RAD23B: variants seen among roughly 807,000 people sequenced by gnomAD.
The protein encoded by RAD23B is RAD23 nucleotide excision repair protein B.
Under a neutral mutation model 49.1 loss-of-function variants are expected in RAD23B, and 5 were observed. The observed-to-expected ratio is 0.10, with a 90% CI of 0.05 to 0.21. The LOEUF is 0.21. Among genes scored for constraint, RAD23B ranks in the 10% least tolerant of loss-of-function variants. The pLI, the probability that RAD23B is intolerant of heterozygous loss-of-function variation, is 1.00. For missense variants in RAD23B, 356 were observed against 486.7 expected (o/e 0.73, Z 2.53); for synonymous variants, 184 against 165.4 (o/e 1.11, Z -0.86).
At chr9:107,293,449 G>A (rs1185610403) in intron 1 of RAD23B, among the ~76,000 whole-genome samples, 1 of 152,156 alleles carries the variant, frequency 6.6e-6, no homozygotes, top group Non-Finnish European at 1.5e-5. Context: ...CTGGCATATG[G>A]CAAGTACATA....
In RAD23B at chr9:107,324,969, C is replaced by G. The variant is rs1419081449; in HGVS notation, c.1081C>G (p.Gln361Glu). The change falls in exon 9 of 10, where the codon CAA becomes GAA. Residue 361 changes from glutamine (Q) to glutamate (E), a missense_variant. Transcript: ENST00000358015. ...EAGSGHMNYIQVTPQEKEAIE... is the reference protein window; with the variant it reads ...EAGSGHMNYIEVTPQEKEAIE... ...TGGAAGTGGTCATATGAACTACATT[C>G]AAGTAACACCTCAGGAAAAAGAAGC... 1 of 1,613,520 alleles carries G rather than the reference C, an allele frequency of 6.2e-7. No homozygotes were observed. The highest frequency in any genetic ancestry group is 1.1e-5 in the South Asian group (1 of 91,044).
intron 5 of RAD23B, among the ~76,000 whole-genome samples, chr9:107,317,711 C>T (rs528572606): frequency 6.6e-6 from 1 of 151,466 alleles, no homozygotes; most frequent in South Asian, 2.1e-4. Flanking sequence ...TAATGGTCCC[C>T]AGAACACAAG....
chr9:107,324,144 T>C, intron 8 of RAD23B, 127 bp downstream of exon 8: 3 of 1,079,894 alleles, frequency 2.8e-6, no homozygotes, highest in South Asian at 1.6e-5. Flanking sequence ...TCTTCCAAGC[T>C]ACACTTAGAT....
intron 5 of RAD23B, among the ~76,000 whole-genome samples, chr9:107,314,661 AT>A (rs1053500378): frequency 6.6e-6 from 1 of 152,146 alleles, no homozygotes; most frequent in Non-Finnish European, 1.5e-5. Flanking sequence ...TGATATAATG[AT>A]TTATTTCCCT....
chr9:107,308,794 T>C (rs1826833561), intron 4 of RAD23B, among the ~76,000 whole-genome samples: 1 of 152,214 alleles, frequency 6.6e-6, no homozygotes, highest in Non-Finnish European at 1.5e-5. Flanking sequence ...TAAATGTGTC[T>C]TAGTTCCTTT....
intron 9 of RAD23B, among the ~76,000 whole-genome samples, chr9:107,328,304 A>C (rs1309901561): frequency 1.3e-5 from 2 of 152,182 alleles, no homozygotes; most frequent in Non-Finnish European, 2.9e-5. Context: ...ACCAGGGACC[A>C]GTTACGTAGA....
At chr9:107,301,056 T>C (rs1340058925) in intron 2 of RAD23B, among the ~76,000 whole-genome samples, 1 of 152,214 alleles carries the variant, frequency 6.6e-6, no homozygotes, top group African/African-American at 2.4e-5. Context: ...TGTTAGCAGC[T>C]TTTGATTCAA....
At chr9:107,311,278 C>A (rs1191214041) in intron 4 of RAD23B, among the ~76,000 whole-genome samples, 5 of 152,126 alleles carry the variant, frequency 3.3e-5, no homozygotes, top group Non-Finnish European at 7.4e-5. Flanking sequence ...AATTTGGTTT[C>A]TCCATGTGCT....
chr9:107,310,675 G>T (rs1282426964), intron 4 of RAD23B, among the ~76,000 whole-genome samples: 1 of 152,088 alleles, frequency 6.6e-6, no homozygotes, highest in African/African-American at 2.4e-5. Context: ...TATATTTAAT[G>T]AAGAACTTAA....
intron 3 of RAD23B, 74 bp from the exon 4 acceptor site, chr9:107,306,305 A>G: frequency 6.9e-7 from 1 of 1,439,238 alleles, no homozygotes; most frequent in Non-Finnish European, 9.5e-7. Flanking sequence ...GCATCCTGTA[A>G]CGGTACAGTC....
Position 107,285,011 on chromosome 9 carries a change from A to T in RAD23B, c.66+1316A>T. 4.9e-6 allele frequency: 6 copies of T among 1,227,256 alleles called. No individual in the cohort carries two copies. The East Asian group carries it at 2.8e-4, about 58-fold the overall frequency. 76.0% of individuals were successfully genotyped at this position (1,227,256 alleles called of 1,614,324 possible). ...GTGTTACGTTTTACTTATCTCATTT[A>T]ATCTTAAGTTTTGTACATCTTTAAT... On this transcript the variant is annotated intron_variant, in intron 1 of 9. Transcript: ENST00000358015.
rs1297461398 is a variant in RAD23B at position 107,330,970 on chromosome 9, T to TA, written c.*1317dup. On this transcript the variant is annotated 3_prime_UTR_variant, in exon 10 of 10. Coordinates refer to ENST00000358015, the MANE Select transcript of RAD23B (RefSeq NM_002874.5). The surrounding 1 kb of genome is among the most constrained non-coding windows in gnomAD (Gnocchi z 4.4). The stretch of plus-strand genomic sequence containing the variant: ...CTTCATTGGCATTGTTATTTAATCA[T>TA]AAACGGGGCAGATGTCTACTTGTTC... 2 of 152,696 alleles carry TA rather than the reference T, an allele frequency of 1.3e-5. No individual in the cohort carries two copies. Among genetic ancestry groups the TA allele is most frequent in the East Asian group, 1.9e-4 (1 of 5,204 alleles). 9.5% of individuals were successfully genotyped at this position (152,696 alleles called of 1,614,324 possible).
At chr9:107,326,830 G>A (rs1022955333) in intron 9 of RAD23B, among the ~76,000 whole-genome samples, 1 of 151,530 alleles carries the variant, frequency 6.6e-6, no homozygotes, top group Admixed American at 6.6e-5. Context: ...AGTAGAGACG[G>A]GGTTTCAACA....
intron 6 of RAD23B, among the ~76,000 whole-genome samples, chr9:107,320,724 A>G (rs1827093181): frequency 6.6e-6 from 1 of 152,324 alleles, no homozygotes; most frequent in Middle Eastern, 3.4e-3. Context: ...TTTTAGTTTA[A>G]TAAAAGAGAA....
Position 107,318,602 on chromosome 9 carries a change from A to T in RAD23B, c.554-150A>T. Reference sequence around the variant, plus strand: ...GGGCATCTTTGGGGGACCATTACCTACTACATATATGTTGTAATTTATACT... The same window carrying T: ...GGGCATCTTTGGGGGACCATTACCTTCTACATATATGTTGTAATTTATACT... On this transcript the variant is annotated intron_variant, in intron 5 of 9. Coordinates refer to ENST00000358015, the MANE Select transcript of RAD23B (RefSeq NM_002874.5). This position sits in a 1 kb window ranked among gnomAD's most constrained non-coding sequence, Gnocchi z 4.3. The T allele has an allele frequency of 1.2e-6, 1 of 803,988 alleles. No individual in the cohort carries two copies. The highest frequency in any genetic ancestry group is 1.8e-6 in the Non-Finnish European group (1 of 546,048). 49.8% of individuals were successfully genotyped at this position (803,988 alleles called of 1,614,324 possible).
At chr9:107,320,123 T>C (rs1195840694) in intron 6 of RAD23B, among the ~76,000 whole-genome samples, 1 of 152,252 alleles carries the variant, frequency 6.6e-6, no homozygotes, top group African/African-American at 2.4e-5. Context: ...CCACCATTTA[T>C]TTGCCTATGC....
At chr9:107,314,013 A>C (rs1223347466) in intron 5 of RAD23B, among the ~76,000 whole-genome samples, 1 of 150,450 alleles carries the variant, frequency 6.6e-6, no homozygotes, top group Non-Finnish European at 1.5e-5. Flanking sequence ...AGTCTCTGGA[A>C]TATTTGTTTT....
intron 3 of RAD23B, among the ~76,000 whole-genome samples, chr9:107,303,201 GTA>G (rs1461248596): frequency 6.6e-6 from 1 of 152,098 alleles, no homozygotes; most frequent in East Asian, 1.9e-4. Flanking sequence ...AGTGTTACTT[GTA>G]GCACTGAAAA....
chr9:107,300,876 G>A (rs1173211136), intron 2 of RAD23B, among the ~76,000 whole-genome samples: 4 of 152,174 alleles, frequency 2.6e-5, no homozygotes, highest in Non-Finnish European at 4.4e-5. Flanking sequence ...TTTCTGAATA[G>A]TGTTTCCTAA....
Sources: gnomAD v4.1 joint callset for allele counts (sites outside exome capture counted in the v4.1 genomes callset) on GRCh38, gnomAD v4.1.1 for gene constraint, Gnocchi (gnomAD v3.1) non-coding constraint, MANE v1.5 for transcripts, NCBI Gene and HGNC (gene_info 2026-07-23, HGNC 2026-07-21) for gene names.